Variants in FBLN5 observed in about 807,000 individuals in gnomAD.
FBLN5 encodes the protein fibulin-5.
Under a neutral mutation model 61.6 loss-of-function variants are expected in FBLN5, and 24 were observed. The observed-to-expected ratio is 0.39, with a 90% CI of 0.28 to 0.55. The LOEUF (loss-of-function observed/expected upper bound fraction) is 0.55. Among genes scored for constraint, FBLN5 ranks in the 20% least tolerant of loss-of-function variants. The pLI, the probability that FBLN5 is intolerant of heterozygous loss-of-function variation, is 0.65. For missense variants in FBLN5, 470 were observed against 594.1 expected (o/e 0.79, Z 2.17); for synonymous variants, 213 against 219.8 (o/e 0.97, Z 0.27).
At chr14:91,898,894 C>T (rs1394306503) in intron 4 of FBLN5, among the ~76,000 whole-genome samples, 3 of 151,066 alleles carry the variant, frequency 2.0e-5, no homozygotes, top group South Asian at 2.1e-4. Flanking sequence ...CTCTGCCTCC[C>T]GGGTTCACAC....
chr14:91,884,410 A>G (rs936978061), intron 7 of FBLN5, among the ~76,000 whole-genome samples: 1 of 152,226 alleles, frequency 6.6e-6, no homozygotes, highest in African/African-American at 2.4e-5. Flanking sequence ...GATTCCACTC[A>G]TACTTTCAGT....
At chr14:91,912,749 G>T (rs1177271570) in intron 4 of FBLN5, among the ~76,000 whole-genome samples, 2 of 150,206 alleles carry the variant, frequency 1.3e-5, no homozygotes, top group Non-Finnish European at 3.0e-5. Context: ...AATCGAGGCT[G>T]CCATGAGCCA....
At chr14:91,905,506 G>A (rs1329242658) in intron 4 of FBLN5, among the ~76,000 whole-genome samples, 1 of 152,032 alleles carries the variant, frequency 6.6e-6, no homozygotes. Flanking sequence ...CTAGGACAAG[G>A]TGCAGAAGTG....
intron 6 of FBLN5, among the ~76,000 whole-genome samples, chr14:91,889,624 T>C (rs1404702362): frequency 2.0e-5 from 3 of 152,142 alleles, no homozygotes; most frequent in African/African-American, 7.2e-5. Flanking sequence ...ATTATTTGGG[T>C]TCAGTGAGAT....
chr14:91,903,168 T>C (rs532547372), intron 4 of FBLN5, among the ~76,000 whole-genome samples: 2 of 152,236 alleles, frequency 1.3e-5, no homozygotes, highest in Non-Finnish European at 2.9e-5. Flanking sequence ...AGCCTGCTGG[T>C]TATAACAGAG....
At chr14:91,878,097 T>C in intron 9 of FBLN5, 8 of 394,392 alleles carry the variant, frequency 2.0e-5, no homozygotes, top group South Asian at 1.6e-4. Context: ...AGAAACTGGA[T>C]TAACAGGTCT....
chr14:91,930,120 A>G (rs547718688), intron 4 of FBLN5, among the ~76,000 whole-genome samples: 1 of 152,400 alleles, frequency 6.6e-6, no homozygotes, highest in East Asian at 1.9e-4. Context: ...AGGAGAAGTC[A>G]TCACGGAATG....
rs116018998 is a variant in FBLN5, at chr14:91,921,762, C to G, written c.379+15185G>C. Among the ~76,000 whole-genome samples the G allele has an allele frequency of 6.4e-3, 975 of 152,190 alleles. 13 individuals are homozygous for G. The highest frequency in any genetic ancestry group is 0.023 in the African/African-American group (944 of 41,502). ...CTGAAGCCAGAGAGGAGAATGAGCCCGCAATGTGAAGAGCCAGGAGAGAGT... is the reference window on the plus strand; with the variant it reads ...CTGAAGCCAGAGAGGAGAATGAGCCGGCAATGTGAAGAGCCAGGAGAGAGT... On this transcript the variant is annotated intron_variant, in intron 4 of 10. Transcript: ENST00000342058.
At chr14:91,888,432 C>A (rs1383035147) in intron 6 of FBLN5, among the ~76,000 whole-genome samples, 3 of 151,830 alleles carry the variant, frequency 2.0e-5, no homozygotes, top group African/African-American at 7.3e-5. Flanking sequence ...TGGTGAAGTC[C>A]CGTCTCTACT....
chr14:91,914,204 G>T (rs757199706), intron 4 of FBLN5, among the ~76,000 whole-genome samples: 2 of 151,896 alleles, frequency 1.3e-5, no homozygotes, highest in Admixed American at 6.6e-5. Context: ...TTAGCTGGGC[G>T]CAGTAGCTCA....
chr14:91,877,775 A>G, intron 9 of FBLN5, 93 bp from the exon 10 acceptor site: 2 of 993,448 alleles, frequency 2.0e-6, no homozygotes, highest in Non-Finnish European at 3.2e-6. Context: ...AAATGAGGCC[A>G]CCCCATTTTT....
intron 10 of FBLN5, among the ~76,000 whole-genome samples, chr14:91,872,251 A>C (rs1190965522): frequency 6.6e-6 from 1 of 152,164 alleles, no homozygotes; most frequent in Non-Finnish European, 1.5e-5. Flanking sequence ...CCCAAGCCCC[A>C]GGCTTTTTTC....
chr14:91,877,988 T>A (rs1226562965), intron 9 of FBLN5: 1 of 497,402 alleles, frequency 2.0e-6, no homozygotes, highest in Non-Finnish European at 3.9e-6. Flanking sequence ...ATTTGCCACG[T>A]AGGCCAAATA....
At chr14:91,908,354 C>T (rs958949591) in intron 4 of FBLN5, among the ~76,000 whole-genome samples, 1 of 152,308 alleles carries the variant, frequency 6.6e-6, no homozygotes, top group East Asian at 1.9e-4. Context: ...ATCCTTCACC[C>T]CTTCTTAGCA....
At chr14:91,911,528 GCGGGGAGCCCACCTCCT>G (rs1461273942) in intron 4 of FBLN5, among the ~76,000 whole-genome samples, 3 of 152,270 alleles carry the variant, frequency 2.0e-5, no homozygotes, top group Non-Finnish European at 4.4e-5. Context: ...GAGTGTGAGG[GCGGGGAGCCCACCTCCT>G]AAAAGAAAAA....
rs905142227 is a variant in FBLN5, at chr14:91,901,762, T to C, written c.380-6690A>G. On this transcript the variant is annotated intron_variant, in intron 4 of 10. Transcript: ENST00000342058. Reference sequence around the variant, plus strand: ...AATCTCTAGGAGCCAGATCTTTCTGTGTTTACAGCACTTTCCCCAGCACTT... The same window carrying C: ...AATCTCTAGGAGCCAGATCTTTCTGCGTTTACAGCACTTTCCCCAGCACTT... Among the ~76,000 whole-genome samples, 6 of 152,244 alleles carry C rather than the reference T, an allele frequency of 3.9e-5. 1 individual carries two copies. Among genetic ancestry groups the C allele is most frequent in the East Asian group, 3.8e-4 (2 of 5,204 alleles).
chr14:91,877,526 C>A lies in FBLN5; in HGVS notation c.1146G>T (p.Gln382His). Residue 382 changes from glutamine (Q) to histidine (H), a missense_variant, in exon 10 of 11, where the codon CAG (glutamine) becomes CAT (histidine). By Grantham distance (24) the Gln-to-His change is conservative. Transcript: ENST00000342058. ...TRYPGAYYIFQIKSGNEGREF... is the reference protein window; with the variant it reads ...TRYPGAYYIFHIKSGNEGREF... The stretch of plus-strand genomic sequence containing the variant: ...CTCTGCCCTCATTCCCAGATTTGAT[C>A]TGGAAAATGTAATAGGCCCCAGGGT... 6.2e-7 allele frequency: 1 copy of A among 1,614,112 alleles called. No homozygotes were observed. The highest frequency in any genetic ancestry group is 1.3e-5 in the African/African-American group (1 of 75,034).
At position 91,943,989 on chromosome 14, in the gene FBLN5, G is replaced by A. The variant is rs1379865190; in HGVS notation, c.18-1028C>T. ...AGTCTGCAACTCTGCCCTTCGCCACGCACAGGCTTTAATCCAGTAAGATTG... is the reference window on the plus strand; with the variant it reads ...AGTCTGCAACTCTGCCCTTCGCCACACACAGGCTTTAATCCAGTAAGATTG... On this transcript the variant is annotated intron_variant, in intron 1 of 10. Coordinates refer to ENST00000342058, the MANE Select transcript of FBLN5 (RefSeq NM_006329.4). The surrounding 1 kb of genome is among the most constrained non-coding windows in gnomAD (Gnocchi z 4.0). Among the ~76,000 whole-genome samples the A allele has an allele frequency of 2.0e-5, 3 of 152,092 alleles. No individual in the cohort carries two copies. Among genetic ancestry groups the A allele is most frequent in the Non-Finnish European group, 4.4e-5 (3 of 68,012 alleles).
intron 3 of FBLN5, among the ~76,000 whole-genome samples, 189 bp from the exon 4 acceptor site, chr14:91,937,390 A>G (rs572919535): frequency 6.6e-6 from 1 of 152,302 alleles, no homozygotes; most frequent in Non-Finnish European, 1.5e-5. Context: ...TCACTCAAAC[A>G]TCAGCCTTTC....
Sources: allele counts gnomAD v4.1 joint callset (sites outside exome capture counted in the v4.1 genomes callset), GRCh38; gene constraint gnomAD v4.1.1; non-coding constraint Gnocchi (gnomAD v3.1); transcripts MANE v1.5; gene names NCBI Gene and HGNC (gene_info 2026-07-23, HGNC 2026-07-21).